The following PHF14 variants were observed in gnomAD, a reference collection of about 807,000 sequenced individuals.
PHF14 encodes PHD finger protein 14.
PHF14 carries 55 observed loss-of-function variants against 117.9 expected under a neutral mutation model. That is an observed-to-expected ratio of 0.47 (90% CI 0.38 to 0.58). The LOEUF is 0.58. PHF14 is among the 20% of genes least tolerant of loss of function. The probability of loss-of-function intolerance (pLI) is 0.00; values close to 1 mark genes in which losing one functional copy is unlikely to be tolerated. For synonymous variants in PHF14, 409 were observed against 368.6 expected (o/e 1.11, Z -1.26); for missense variants, 978 against 1,122.2 (o/e 0.87, Z 1.84).
intron 17 of PHF14, among the ~76,000 whole-genome samples, chr7:11,134,277 C>T (rs995753623): frequency 2.0e-5 from 3 of 151,640 alleles, no homozygotes; most frequent in Non-Finnish European, 2.9e-5. Context: ...AACATTTTGC[C>T]GCTTTTAAAA....
chr7:11,141,508 A>G (rs991189877), intron 17 of PHF14, among the ~76,000 whole-genome samples: 1 of 152,042 alleles, frequency 6.6e-6, no homozygotes, highest in Non-Finnish European at 1.5e-5. Context: ...AGTTGGGTTT[A>G]TTGTTTGTTA....
chr7:11,091,890 C>A (rs758883429), intron 16 of PHF14, among the ~76,000 whole-genome samples: 1 of 152,110 alleles, frequency 6.6e-6, no homozygotes, highest in African/African-American at 2.4e-5. Flanking sequence ...TAAATGACTG[C>A]GTCTTTCAGT....
intron 7 of PHF14, among the ~76,000 whole-genome samples, chr7:11,034,387 G>T (rs1023195305): frequency 6.6e-6 from 1 of 151,884 alleles, no homozygotes; most frequent in East Asian, 1.9e-4. Flanking sequence ...GTTTTTGATA[G>T]AATAAATATT....
intron 16 of PHF14, among the ~76,000 whole-genome samples, chr7:11,074,537 C>T (rs1785754082): frequency 6.6e-6 from 1 of 152,110 alleles, no homozygotes; most frequent in Admixed American, 6.5e-5. Context: ...AAGTCATTTC[C>T]TTGCTCCTGT....
chr7:11,063,423 A>G (rs1360016431), intron 16 of PHF14: 1 of 970,488 alleles, frequency 1.0e-6, no homozygotes, highest in African/African-American at 1.8e-5. Context: ...AAAAATAAAG[A>G]AAAAAAATAA....
intron 3 of PHF14, among the ~76,000 whole-genome samples, chr7:10,988,795 A>G (rs781567012): frequency 1.3e-5 from 2 of 152,144 alleles, no homozygotes; most frequent in African/African-American, 2.4e-5. Context: ...CATTCTTGCC[A>G]TATATTGTTA....
intron 13 of PHF14, among the ~76,000 whole-genome samples, chr7:11,050,678 T>C (rs1448150928): frequency 6.6e-6 from 1 of 152,202 alleles, no homozygotes; most frequent in African/African-American, 2.4e-5. Flanking sequence ...ATCCTAATAT[T>C]ATAAAAAGTT....
At position 11,035,397 on chromosome 7, in the gene PHF14, A is replaced by G. The variant is rs562069813; in HGVS notation, c.1456-243A>G. ...AAATAATACATTATATTTGATTTCAATATCTTTAAACCTGCAGGCCCTTTA... is the reference window on the plus strand; with the variant it reads ...AAATAATACATTATATTTGATTTCAGTATCTTTAAACCTGCAGGCCCTTTA... On this transcript the variant is annotated intron_variant, in intron 7 of 17. Coordinates refer to ENST00000634607, the MANE Select transcript of PHF14 (RefSeq NM_001007157.2). Among the ~76,000 whole-genome samples, 51 of 152,282 alleles carry G rather than the reference A, an allele frequency of 3.3e-4. No homozygotes were observed. Among genetic ancestry groups the G allele is most frequent in the East Asian group, 3.3e-3 (17 of 5,186 alleles).
At chr7:11,063,106 T>C (rs1198775955) in intron 16 of PHF14, 26 of 932,820 alleles carry the variant, frequency 2.8e-5, no homozygotes, top group Non-Finnish European at 3.2e-5. Context: ...CATGAAGTCT[T>C]AAATTTTATG....
rs944775870 is a variant in PHF14 at position 11,103,315 on chromosome 7, G to A, written c.2655-8035G>A. On this transcript the variant is annotated intron_variant, in intron 16 of 17. Transcript: ENST00000634607. ...TTCAGTCCTTATTGTTTTAATATAA[G>A]CTTTCTGTGTTCAGTATAATTTTAT... 2.0e-5 allele frequency: 18 copies of A among 880,272 alleles called. No individual in the cohort carries two copies. In the African/African-American group the frequency reaches 3.1e-4, roughly 15 times the overall value. The allele number at this position is 880,272 out of a possible 1,614,324, so 54.5% of individuals were successfully genotyped here. A position where few individuals can be genotyped will look rare whatever the true frequency, so the allele number is the denominator to read the frequency against.
chr7:11,014,247 GTCA>G (rs1783448072), intron 5 of PHF14, among the ~76,000 whole-genome samples: 1 of 152,110 alleles, frequency 6.6e-6, no homozygotes, highest in African/African-American at 2.4e-5. Context: ...CTGGTGAATG[GTCA>G]ATTTTGAACC....
intron 16 of PHF14, among the ~76,000 whole-genome samples, chr7:11,097,963 T>C (rs1002337630): frequency 6.6e-6 from 1 of 151,996 alleles, no homozygotes; most frequent in Non-Finnish European, 1.5e-5. Flanking sequence ...GGGAGTGTAT[T>C]TGAAGCTATA....
chr7:11,053,586 A>G (rs912718478), intron 14 of PHF14, among the ~76,000 whole-genome samples: 1 of 152,102 alleles, frequency 6.6e-6, no homozygotes, highest in African/African-American at 2.4e-5. Context: ...TACAAAGATT[A>G]TCCTCTTATG....
chr7:11,051,650 T>G lies in PHF14; in HGVS notation c.2351T>G (p.Met784Arg). Reference protein sequence around the residue: ...SECDQAGSSDMEADMAMETLP... With the variant: ...SECDQAGSSDREADMAMETLP... Reference sequence around the variant, plus strand: ...TGTGACCAGGCAGGGAGCAGTGACATGGAAGCAGATATGGCCATGGAAACC... The same window carrying G: ...TGTGACCAGGCAGGGAGCAGTGACAGGGAAGCAGATATGGCCATGGAAACC... The change falls in exon 14 of 18, where the codon ATG becomes AGG. Residue 784 changes from methionine to arginine, a missense_variant. Physicochemically the swap from Met to Arg is moderately conservative, Grantham distance 91. Coordinates refer to ENST00000634607, the MANE Select transcript of PHF14 (RefSeq NM_001007157.2). The G allele has an allele frequency of 6.2e-7, 1 of 1,613,492 alleles. No individual in the cohort carries two copies. Among genetic ancestry groups the G allele is most frequent in the Non-Finnish European group, 8.5e-7 (1 of 1,179,642 alleles).
chr7:10,982,487 A>G lies in PHF14; in HGVS notation c.228A>G (p.Val76=), dbSNP rs756427316. 2.5e-6 allele frequency: 4 copies of G among 1,581,062 alleles called. No homozygotes were observed. Among genetic ancestry groups the G allele is most frequent in the Middle Eastern group, 3.3e-4 (2 of 5,974 alleles). The part of the protein sequence containing the change: ...LEEELNEDIK[V]KEEQLKNSAE... ...AAGAACTGAATGAAGATATTAAAGT[A>G]AAAGAAGAACAACTTAAAAATTCTG... is the stretch of plus-strand genomic sequence containing the variant. Residue 76 remains valine, a synonymous_variant, in exon 3 of 18, where the codon GTA becomes GTG. Coordinates refer to ENST00000634607, the MANE Select transcript of PHF14 (RefSeq NM_001007157.2).
At chr7:10,990,630 A>G (rs919800290) in intron 3 of PHF14, 73 bp from the exon 4 acceptor site, 6 of 908,854 alleles carry the variant, frequency 6.6e-6, no homozygotes, top group Non-Finnish European at 9.9e-6. Context: ...TAAGTAATAA[A>G]GAATTTTAGT....
At chr7:11,075,588 T>TTA (rs1487438997) in intron 16 of PHF14, among the ~76,000 whole-genome samples, 3 of 103,820 alleles carry the variant, frequency 2.9e-5, no homozygotes, top group African/African-American at 1.1e-4. Context: ...TTTTTTTTTT[T>TTA]TTATTATTAT....
chr7:11,106,986 C>G, intron 16 of PHF14: 1 of 982,322 alleles, frequency 1.0e-6, no homozygotes, highest in Middle Eastern at 5.2e-4. Context: ...TTGTTCAAGT[C>G]TATGTTATGG....
intron 16 of PHF14, chr7:11,103,709 A>T: frequency 1.0e-6 from 1 of 983,802 alleles, no homozygotes; most frequent in Non-Finnish European, 1.2e-6. Flanking sequence ...TAGAGTAGGT[A>T]ATGTTATAGA....
Sources: allele counts gnomAD v4.1 joint callset (sites outside exome capture counted in the v4.1 genomes callset), GRCh38; gene constraint gnomAD v4.1.1; transcripts MANE v1.5; gene names NCBI Gene and HGNC (gene_info 2026-07-23, HGNC 2026-07-21).